The following RFWD3 variants were observed in gnomAD, a reference collection of about 807,000 sequenced individuals.
RFWD3 encodes the protein ring finger and WD repeat domain 3.
RFWD3 carries 65 observed loss-of-function variants against 87.7 expected under a neutral mutation model. That is an observed-to-expected ratio of 0.74 (90% CI 0.61 to 0.91). The LOEUF is 0.91. RFWD3 is among the 40% of genes least tolerant of loss of function. The probability of loss-of-function intolerance (pLI) is 0.00; values close to 1 mark genes in which losing one functional copy is unlikely to be tolerated. For synonymous variants in RFWD3, 433 were observed against 352.8 expected (o/e 1.23, Z -2.55); for missense variants, 1,078 against 938.5 (o/e 1.15, Z -1.94).
chr16:74,648,402 G>T (rs562557413), intron 4 of RFWD3, among the ~76,000 whole-genome samples: 1 of 150,758 alleles, frequency 6.6e-6, no homozygotes, highest in Non-Finnish European at 1.5e-5. Context: ...TGATCCACCC[G>T]CCTTGGCCTC....
At chr16:74,635,824 T>G (rs370553790) in intron 8 of RFWD3, among the ~76,000 whole-genome samples, 1 of 152,230 alleles carries the variant, frequency 6.6e-6, no homozygotes, top group African/African-American at 2.4e-5. Flanking sequence ...TGAAAAGACT[T>G]GGTTTTCAAC....
At chr16:74,626,301 A>C (rs1168440731) in intron 12 of RFWD3, 42 bp downstream of exon 12, 1 of 1,579,064 alleles carries the variant, frequency 6.3e-7, no homozygotes, top group Non-Finnish European at 8.7e-7. Flanking sequence ...TATTTTAAGC[A>C]AAACTACTTT....
chr16:74,637,051 G>A (rs1959214421), intron 7 of RFWD3, among the ~76,000 whole-genome samples: 1 of 139,922 alleles, frequency 7.1e-6, no homozygotes, highest in African/African-American at 2.7e-5. Flanking sequence ...ACAAGCAAGT[G>A]AAATAAGGAG....
At chr16:74,641,707 G>A (rs1358467998) in intron 6 of RFWD3, among the ~76,000 whole-genome samples, 9 of 151,666 alleles carry the variant, frequency 5.9e-5, no homozygotes, top group Admixed American at 2.0e-4. Flanking sequence ...GGCTGATCAC[G>A]AGGTCAGGAG....
chr16:74,632,183 G>A (rs1959120527), intron 9 of RFWD3, among the ~76,000 whole-genome samples: 1 of 151,784 alleles, frequency 6.6e-6, no homozygotes, highest in African/African-American at 2.4e-5. Flanking sequence ...GAGGTCAGGA[G>A]ATTGAGCCCA....
intron 10 of RFWD3, among the ~76,000 whole-genome samples, chr16:74,630,215 C>T (rs1959050049): frequency 6.6e-6 from 1 of 152,214 alleles, no homozygotes; most frequent in Admixed American, 6.5e-5. Flanking sequence ...TCTGCCTCGG[C>T]CTTCTGAGTA....
rs1219990898 is a variant in RFWD3, at chr16:74,621,951, T to A, written c.*1977A>T. On this transcript the variant is annotated 3_prime_UTR_variant, in exon 13 of 13. Transcript: ENST00000361070. ...TCTTTGGAGAAATCACTCACGATCG[T>A]ATGAATTTGCTTCCAAAACATCCAA... 1 of 152,186 alleles carries A rather than the reference T, an allele frequency of 6.6e-6. No homozygotes were observed. The highest frequency in any genetic ancestry group is 2.4e-5 in the African/African-American group (1 of 41,448). The allele number at this position is 152,186 out of a possible 1,614,324, so 9.4% of individuals were successfully genotyped here. A position where few individuals can be genotyped will look rare whatever the true frequency, so the allele number is the denominator to read the frequency against.
intron 1 of RFWD3, among the ~76,000 whole-genome samples, chr16:74,663,536 T>C (rs767921587): frequency 1.3e-5 from 2 of 152,136 alleles, no homozygotes; most frequent in Non-Finnish European, 2.9e-5. Context: ...GCTGAATAAA[T>C]GGAAGGAATT....
chr16:74,666,209 GATA>G (rs1567591764), intron 1 of RFWD3: 5 of 150,732 alleles, frequency 3.3e-5, no homozygotes, highest in African/African-American at 9.9e-5. Flanking sequence ...TAGATAGATA[GATA>G]GATAGATAGA....
At chr16:74,656,324 A>AG (rs1567585039) in intron 2 of RFWD3, among the ~76,000 whole-genome samples, 1 of 148,758 alleles carries the variant, frequency 6.7e-6, no homozygotes, top group African/African-American at 2.4e-5. Flanking sequence ...AAAAAAAAAA[A>AG]AAAAAAAGAA....
chr16:74,631,907 A>T (rs1959108237), intron 9 of RFWD3, among the ~76,000 whole-genome samples: 1 of 152,116 alleles, frequency 6.6e-6, no homozygotes, highest in African/African-American at 2.4e-5. Flanking sequence ...GGCGTGAGCC[A>T]CCACGCCTGG....
intron 6 of RFWD3, among the ~76,000 whole-genome samples, chr16:74,639,949 G>A (rs1959489116): frequency 6.6e-6 from 1 of 151,900 alleles, no homozygotes; most frequent in Non-Finnish European, 1.5e-5. Flanking sequence ...ACTTACTATA[G>A]TATACTGGTA....
intron 2 of RFWD3, among the ~76,000 whole-genome samples, chr16:74,652,507 G>C (rs1396182239): frequency 6.6e-6 from 1 of 152,158 alleles, no homozygotes; most frequent in Admixed American, 6.6e-5. Context: ...GGCCTCATGG[G>C]ATTTTGCTAT....
Position 74,626,574 on chromosome 16 carries a change from G to C in RFWD3, c.1970-20C>G. On this transcript the variant is annotated intron_variant, in intron 11 of 12. Transcript: ENST00000361070. ...TTTTATCTATGGGACAGAGAAATCAGTGCTGCACCATGGGGACGCTACACA... is the reference window on the plus strand; with the variant it reads ...TTTTATCTATGGGACAGAGAAATCACTGCTGCACCATGGGGACGCTACACA... The C allele has an allele frequency of 4.4e-6, 7 of 1,600,504 alleles. No homozygotes were observed. Among genetic ancestry groups the C allele is most frequent in the Non-Finnish European group, 6.0e-6 (7 of 1,167,928 alleles).
rs1555529895 is a variant in RFWD3 at position 74,666,850 on chromosome 16, C to CCGAAGACTCGGTAGTTACCTCCGCCGAAG, written c.-68_-67insCTTCGGCGGAGGTAACTACCGAGTCTTCG. ...GAAGACTCGGTAGTTACCTCGGCCG[C>CCGAAGACTCGGTAGTTACCTCCGCCGAAG]ACTCCGAATGCACCTACGCCAACTG... On this transcript the variant is annotated 5_prime_UTR_variant, in exon 1 of 13. Coordinates refer to ENST00000361070, the MANE Select transcript of RFWD3 (RefSeq NM_018124.4). 7.7e-5 allele frequency: 3 copies of CCGAAGACTCGGTAGTTACCTCCGCCGAAG among 38,950 alleles called. No individual in the cohort carries two copies. The highest frequency in any genetic ancestry group is 2.3e-3 in the East Asian group (1 of 434). 2.4% of individuals were successfully genotyped at this position (38,950 alleles called of 1,614,324 possible).
At position 74,630,817 on chromosome 16, in the gene RFWD3, C is replaced by G; in HGVS notation, c.1718G>C (p.Ser573Thr). The G allele has an allele frequency of 6.2e-7, 1 of 1,612,876 alleles. No individual in the cohort carries two copies. The highest frequency in any genetic ancestry group is 1.7e-5 in the Admixed American group (1 of 59,768). ...AGCTACTAACTCCTGCACATGACTG[C>G]TCGTGTTTCGCACGTCATATACCAG... ...SILVYDVRNT[S>T]SHVQELVAQK... Residue 573 changes from serine to threonine, a missense_variant, in exon 10 of 13, where the codon AGC (serine) becomes ACC (threonine). Transcript: ENST00000361070.
intron 2 of RFWD3, among the ~76,000 whole-genome samples, chr16:74,656,864 T>C (rs1961026204): frequency 6.6e-6 from 1 of 152,236 alleles, no homozygotes. Flanking sequence ...CTCTTATGGA[T>C]GACTTTTGCC....
chr16:74,660,986 A>G lies in RFWD3; in HGVS notation c.464T>C (p.Val155Ala). ...SVGPMRTRRR[V>A]SASRRARAGG... ...GGCTCTTGCCCTCCGTGAAGCAGAT[A>G]CCCTCCTTCTTGTTCTCATTGGCCC... is the stretch of plus-strand genomic sequence containing the variant. The change falls in exon 2 of 13, where the codon GTA becomes GCA. Residue 155 changes from valine (V) to alanine (A), a missense_variant. Transcript: ENST00000361070. 3.1e-6 allele frequency: 5 copies of G among 1,614,002 alleles called. No individual in the cohort carries two copies. The highest frequency in any genetic ancestry group is 4.2e-6 in the Non-Finnish European group (5 of 1,179,996).
chr16:74,663,106 G>A (rs1162862674), intron 1 of RFWD3, among the ~76,000 whole-genome samples: 1 of 151,948 alleles, frequency 6.6e-6, no homozygotes, highest in Non-Finnish European at 1.5e-5. Context: ...GGGTTTCACT[G>A]TGTTAGCCAG....
Sources: gnomAD v4.1 joint callset for allele counts (sites outside exome capture counted in the v4.1 genomes callset) on GRCh38, gnomAD v4.1.1 for gene constraint, MANE v1.5 for transcripts, NCBI Gene and HGNC (gene_info 2026-07-23, HGNC 2026-07-21) for gene names.